BTG4: variants seen among roughly 807,000 people sequenced by gnomAD.
BTG4 encodes BTG anti-proliferation factor 4, also known as protein BTG4.
BTG4 carries 10 observed loss-of-function variants against 19.3 expected under a neutral mutation model. That is an observed-to-expected ratio of 0.52 (90% CI 0.32 to 0.88). The LOEUF (loss-of-function observed/expected upper bound fraction) is 0.88. Ranked by LOEUF, BTG4 falls within the 40% of genes least tolerant of loss-of-function variation. The pLI, the probability that BTG4 is intolerant of heterozygous loss-of-function variation, is 0.04. For missense variants in BTG4, 238 were observed against 281.9 expected (o/e 0.84, Z 1.11); for synonymous variants, 91 against 95.7 (o/e 0.95, Z 0.29).
At chr11:111,492,584 A>G (rs569743773), downstream of BTG4, among the ~76,000 whole-genome samples, 3 of 152,232 alleles carry the variant, frequency 2.0e-5, no homozygotes, top group Non-Finnish European at 4.4e-5. Context: ...CAGTCTATAA[A>G]TCTGAACACT....
At chr11:111,469,904 T>G (rs1322506330) in intron 5 of BTG4, 3 of 152,638 alleles carry the variant, frequency 2.0e-5, no homozygotes, top group Non-Finnish European at 4.4e-5. Context: ...GCAGCCCATC[T>G]CTGACAGAGA....
At chr11:111,511,158 A>G (rs992431551) in intron 1 of BTG4, among the ~76,000 whole-genome samples, 1 of 152,252 alleles carries the variant, frequency 6.6e-6, no homozygotes, top group Non-Finnish European at 1.5e-5. Flanking sequence ...CAGTTATTGT[A>G]GATGGCTTGT....
intron 5 of BTG4, among the ~76,000 whole-genome samples, chr11:111,470,950 T>C (rs960372955): frequency 2.0e-5 from 3 of 152,048 alleles, no homozygotes; most frequent in African/African-American, 7.2e-5. Context: ...TAAAACACTT[T>C]TTTGAAAGTA....
chr11:111,433,057 G>A, the BTG4 span, among the ~76,000 whole-genome samples: 3 of 152,152 alleles, frequency 2.0e-5, no homozygotes, highest in Admixed American at 6.5e-5. Context: ...ACTGGGCCAA[G>A]CCAGGCAGAC....
At chr11:111,505,149 A>C (rs1455582821) in intron 1 of BTG4, among the ~76,000 whole-genome samples, 1 of 152,006 alleles carries the variant, frequency 6.6e-6, no homozygotes, top group Non-Finnish European at 1.5e-5. Context: ...AAAAAAGCCC[A>C]AATAGCCAAG....
the BTG4 span, among the ~76,000 whole-genome samples, chr11:111,402,798 T>C: frequency 1.3e-5 from 2 of 152,202 alleles, no homozygotes; most frequent in East Asian, 3.8e-4. Flanking sequence ...CGGCCTTCAA[T>C]GGCCTTTCAG....
At chr11:111,409,308 T>G in the BTG4 span, among the ~76,000 whole-genome samples, 4 of 152,146 alleles carry the variant, frequency 2.6e-5, no homozygotes, top group Admixed American at 2.0e-4. Flanking sequence ...TGTGGTGGTG[T>G]TGAAGGCAGG....
At position 111,501,703 on chromosome 11, in the gene BTG4, A is replaced by G. The variant is rs796730379; in HGVS notation, c.-26-2901T>C. Among the ~76,000 whole-genome samples, 17 of 152,332 alleles carry G rather than the reference A, an allele frequency of 1.1e-4. 1 individual carries two copies. The highest frequency in any genetic ancestry group is 4.1e-4 in the African/African-American group (17 of 41,586). On this transcript the variant is annotated intron_variant, in intron 1 of 4. Transcript: ENST00000692032. ...AACACAAAGAAAAGATAAATGTTTG[A>G]GGTAATGGATATCCCAATTACCTTA...
At chr11:111,404,680 G>A in the BTG4 span, 1 of 456,226 alleles carries the variant, frequency 2.2e-6, no homozygotes, top group South Asian at 1.5e-5. Context: ...AATATGGCAG[G>A]AGCTGCTGGG....
In BTG4 at chr11:111,512,227, G is replaced by C. The variant is rs1866996880; in HGVS notation, c.-73C>G. ...GCGGAATGGTCACGGAAACTGGGTAGGCTGGGGGCCTTCTTGGGGAATGAG... is the reference window on the plus strand; with the variant it reads ...GCGGAATGGTCACGGAAACTGGGTACGCTGGGGGCCTTCTTGGGGAATGAG... On this transcript the variant is annotated 5_prime_UTR_variant, in exon 1 of 5. Transcript: ENST00000692032. 1 of 152,278 alleles carries C rather than the reference G, an allele frequency of 6.6e-6. No homozygotes were observed. 9.4% of individuals were successfully genotyped at this position (152,278 alleles called of 1,614,324 possible). A position where few individuals can be genotyped will look rare whatever the true frequency, so the allele number is the denominator to read the frequency against.
the BTG4 span, among the ~76,000 whole-genome samples, chr11:111,390,490 T>G: frequency 2.0e-5 from 3 of 152,156 alleles, no homozygotes; most frequent in Non-Finnish European, 4.4e-5. Flanking sequence ...GAAAAGCATT[T>G]CTAAAAACCC....
At chr11:111,399,536 T>C in the BTG4 span, among the ~76,000 whole-genome samples, 1 of 152,094 alleles carries the variant, frequency 6.6e-6, no homozygotes, top group African/African-American at 2.4e-5. Context: ...CCAGGGGAAG[T>C]GGGTGGTAGG....
chr11:111,435,249 G>T, the BTG4 span, among the ~76,000 whole-genome samples: 1 of 152,152 alleles, frequency 6.6e-6, no homozygotes, highest in African/African-American at 2.4e-5. Flanking sequence ...TGGGCCAAGG[G>T]AAGCCACAAG....
the BTG4 span, among the ~76,000 whole-genome samples, chr11:111,461,220 T>C: frequency 3.3e-5 from 5 of 152,180 alleles, no homozygotes; most frequent in African/African-American, 1.2e-4. Context: ...ATGTGATAAA[T>C]AAAAGGTTCT....
At chr11:111,423,207 C>T in the BTG4 span, among the ~76,000 whole-genome samples, 2 of 152,138 alleles carry the variant, frequency 1.3e-5, no homozygotes, top group African/African-American at 4.8e-5. Flanking sequence ...GCTCCCCCTA[C>T]TGAGAGCTCG....
intron 1 of BTG4, among the ~76,000 whole-genome samples, chr11:111,509,906 T>A (rs1339300036): frequency 6.7e-6 from 1 of 148,310 alleles, no homozygotes; most frequent in Non-Finnish European, 1.5e-5. Context: ...TCTTTTTTCT[T>A]TTTTCTTTTT....
the BTG4 span, among the ~76,000 whole-genome samples, chr11:111,420,722 T>C: frequency 2.6e-5 from 4 of 152,274 alleles, no homozygotes; most frequent in Admixed American, 2.6e-4. Context: ...CGTTCATTCA[T>C]GCATTCATTC....
At chr11:111,415,799 G>C in the BTG4 span, 1 of 152,506 alleles carries the variant, frequency 6.6e-6, no homozygotes. Context: ...TCAACACTTT[G>C]CAAGCCTGAG....
intron 5 of BTG4, among the ~76,000 whole-genome samples, chr11:111,468,360 C>CCCACAA (rs1565439258): frequency 2.6e-5 from 4 of 152,208 alleles, no homozygotes; most frequent in Non-Finnish European, 5.9e-5. Flanking sequence ...GTCTCATTTA[C>CCCACAA]GACTCACAAC....
Sources: allele counts gnomAD v4.1 joint callset (sites outside exome capture counted in the v4.1 genomes callset), GRCh38; gene constraint gnomAD v4.1.1; transcripts MANE v1.5; gene names NCBI Gene and HGNC (gene_info 2026-07-23, HGNC 2026-07-21).